The following ENPP6 variants were observed in gnomAD, a reference collection of about 807,000 sequenced individuals.
ENPP6 encodes ectonucleotide pyrophosphatase/phosphodiesterase 6.
A neutral mutation model predicts 42.0 loss-of-function variants in ENPP6; 32 were observed. The observed-to-expected ratio is 0.76, with a 90% CI of 0.58 to 1.02. The LOEUF (loss-of-function observed/expected upper bound fraction) is 1.02, where lower values mean the gene tolerates loss of function less well. Among genes scored for constraint, ENPP6 ranks in the 50% least tolerant of loss-of-function variants. The pLI, the probability that ENPP6 is intolerant of heterozygous loss-of-function variation, is 0.00. For synonymous variants in ENPP6, 213 were observed against 216.0 expected, an observed-to-expected ratio of 0.99 and a Z score of 0.12; for missense variants, 552 against 566.8, an observed-to-expected ratio of 0.97 and a Z score of 0.27.
intron 1 of ENPP6, among the ~76,000 whole-genome samples, chr4:184,209,450 A>G (rs1733072969): frequency 6.6e-6 from 1 of 151,850 alleles, no homozygotes; most frequent in African/African-American, 2.4e-5. Flanking sequence ...CAGAAGCCTC[A>G]GGAGCCAAAG....
chr4:184,139,400 C>T (rs1736783358), intron 2 of ENPP6, among the ~76,000 whole-genome samples: 2 of 149,390 alleles, frequency 1.3e-5, no homozygotes, highest in Non-Finnish European at 3.0e-5. Flanking sequence ...TACATGTGCA[C>T]ATTGTGCAGG....
At chr4:184,169,805 T>C (rs1737428506) in intron 1 of ENPP6, among the ~76,000 whole-genome samples, 1 of 152,252 alleles carries the variant, frequency 6.6e-6, no homozygotes. Flanking sequence ...CGTTTACCTC[T>C]CACGAAGAGC....
intron 3 of ENPP6, among the ~76,000 whole-genome samples, chr4:184,118,506 C>T (rs186034385): frequency 9.7e-4 from 147 of 152,318 alleles, no homozygotes; most frequent in Admixed American, 1.9e-3. Flanking sequence ...TGGCAATTTA[C>T]CTGGTGGCTT....
intron 1 of ENPP6, among the ~76,000 whole-genome samples, chr4:184,176,421 A>G (rs1737562296): frequency 6.6e-6 from 1 of 152,214 alleles, no homozygotes; most frequent in Non-Finnish European, 1.5e-5. Flanking sequence ...TGAGAAGTTA[A>G]GTGTTAAATG....
At chr4:184,115,673 A>G (rs772298616) in intron 5 of ENPP6, among the ~76,000 whole-genome samples, 4 of 152,190 alleles carry the variant, frequency 2.6e-5, no homozygotes, top group Non-Finnish European at 4.4e-5. Flanking sequence ...GCTCACGTAC[A>G]GGGAGGCAGA....
intron 1 of ENPP6, among the ~76,000 whole-genome samples, chr4:184,192,601 C>T (rs1579658237): frequency 6.6e-6 from 1 of 152,096 alleles, no homozygotes; most frequent in East Asian, 1.9e-4. Flanking sequence ...ATAAATAGGA[C>T]TTCATCAACA....
chr4:184,206,038 G>C lies in ENPP6; in HGVS notation c.241+11541C>G, dbSNP rs1314368697. Reference sequence around the variant, plus strand: ...AAGCTTCGCTGGATTTGGTGCAAGAGAGAGTAGGAAGACAGGAAGAGGGCA... The same window carrying C: ...AAGCTTCGCTGGATTTGGTGCAAGACAGAGTAGGAAGACAGGAAGAGGGCA... On this transcript the variant is annotated intron_variant, in intron 1 of 7. Coordinates refer to ENST00000296741, the MANE Select transcript of ENPP6 (RefSeq NM_153343.4). Among the ~76,000 whole-genome samples the C allele has an allele frequency of 2.6e-5, 4 of 152,068 alleles. 1 individual carries two copies. Among genetic ancestry groups the C allele is most frequent in the Admixed American group, 2.6e-4 (4 of 15,274 alleles).
chr4:184,217,525 C>G, intron 1 of ENPP6, 54 bp downstream of exon 1: 1 of 1,604,130 alleles, frequency 6.2e-7, no homozygotes, highest in African/African-American at 1.3e-5. Context: ...GCTCACTGTT[C>G]CCTGCTGGAT....
chr4:184,121,392 T>C (rs1006248753), intron 3 of ENPP6, among the ~76,000 whole-genome samples: 2 of 152,230 alleles, frequency 1.3e-5, no homozygotes, highest in African/African-American at 4.8e-5. Context: ...TAACAGCCTC[T>C]CCTGCTTTCT....
chr4:184,170,292 T>C (rs1037176661), intron 1 of ENPP6, among the ~76,000 whole-genome samples: 3 of 152,154 alleles, frequency 2.0e-5, no homozygotes, highest in African/African-American at 7.2e-5. Context: ...TAGCTGTGTG[T>C]GGTGGTGTGC....
At chr4:184,201,883 ATGT>A (rs975054577) in intron 1 of ENPP6, among the ~76,000 whole-genome samples, 3 of 152,156 alleles carry the variant, frequency 2.0e-5, no homozygotes, top group Non-Finnish European at 4.4e-5. Context: ...AGTGGAAAAA[ATGT>A]TGTTAGGTGT....
chr4:184,113,899 T>TTTTCTTTCTTTCTTTCTTTCTTTC (rs70959170), intron 5 of ENPP6, among the ~76,000 whole-genome samples: 15 of 103,712 alleles, frequency 1.4e-4, no homozygotes, highest in East Asian at 8.2e-4. Context: ...CCTTTCTTTC[T>TTTTCTTTCTTTCTTTCTTTCTTTC]TTTCTTTCTT....
chr4:184,176,760 T>C (rs1351710435), intron 1 of ENPP6, among the ~76,000 whole-genome samples: 1 of 152,040 alleles, frequency 6.6e-6, no homozygotes, highest in Non-Finnish European at 1.5e-5. Context: ...ACCATGAAAA[T>C]ATCAAAGCAT....
In ENPP6 at chr4:184,184,396, TA is replaced by T. The variant is rs1732599259; in HGVS notation, c.242-30664del. The stretch of plus-strand genomic sequence containing the variant: ...TTGGATATTAAGAATATAATAATGT[TA>T]AAACTTGGTAGTAAGCTAAATAGCA... On this transcript the variant is annotated intron_variant, in intron 1 of 7. Transcript: ENST00000296741. This position sits in a 1 kb window ranked among gnomAD's most constrained non-coding sequence, Gnocchi z 4.7. Among the ~76,000 whole-genome samples, 1 of 152,134 alleles carries T rather than the reference TA, an allele frequency of 6.6e-6. No individual in the cohort carries two copies. The highest frequency in any genetic ancestry group is 1.5e-5 in the Non-Finnish European group (1 of 68,020).
intron 2 of ENPP6, among the ~76,000 whole-genome samples, chr4:184,143,467 T>C (rs1736855975): frequency 6.6e-6 from 1 of 152,218 alleles, no homozygotes. Flanking sequence ...GACTAGCCAG[T>C]CCTGTGCCCT....
intron 5 of ENPP6, among the ~76,000 whole-genome samples, chr4:184,114,229 G>C (rs919905323): frequency 6.6e-6 from 1 of 152,144 alleles, no homozygotes; most frequent in Non-Finnish European, 1.5e-5. Flanking sequence ...GCCTCATAAA[G>C]TGCTGGGATT....
At chr4:184,097,114 G>T (rs1735924055) in intron 7 of ENPP6, 131 bp downstream of exon 7, 1 of 1,375,962 alleles carries the variant, frequency 7.3e-7, no homozygotes, top group Non-Finnish European at 9.8e-7. Flanking sequence ...GACCGGCTGG[G>T]TTTGCTCTGC....
At chr4:184,200,257 A>G (rs1732870124) in intron 1 of ENPP6, among the ~76,000 whole-genome samples, 1 of 152,144 alleles carries the variant, frequency 6.6e-6, no homozygotes, top group Middle Eastern at 3.4e-3. Flanking sequence ...AGCGGTGAGG[A>G]CCCCATTGAC....
intron 6 of ENPP6, among the ~76,000 whole-genome samples, chr4:184,099,485 A>G (rs566428034): frequency 7.9e-5 from 12 of 152,286 alleles, no homozygotes; most frequent in African/African-American, 2.6e-4. Context: ...ATAGGTGTTC[A>G]ATAGGTGGCA....
Sources: allele counts gnomAD v4.1 joint callset (sites outside exome capture counted in the v4.1 genomes callset), GRCh38; gene constraint gnomAD v4.1.1; non-coding constraint Gnocchi (gnomAD v3.1); transcripts MANE v1.5; gene names NCBI Gene and HGNC (gene_info 2026-07-23, HGNC 2026-07-21).